FAM169A: variants seen among roughly 807,000 people sequenced by gnomAD.
FAM169A encodes soluble lamin-associated protein of 75 kDa.
FAM169A carries 24 observed loss-of-function variants against 75.7 expected under a neutral mutation model. The ratio of observed to expected loss-of-function variants is 0.32; its 90% CI spans 0.23 to 0.45. The LOEUF is 0.45. Among genes scored for constraint, FAM169A ranks in the 20% least tolerant of loss-of-function variants. The pLI, the probability that FAM169A is intolerant of heterozygous loss-of-function variation, is 1.00. For synonymous variants in FAM169A, 271 were observed against 271.0 expected, an observed-to-expected ratio of 1.00 and a Z score of 0.00; for missense variants, 673 against 784.0, an observed-to-expected ratio of 0.86 and a Z score of 1.69.
intron 1 of FAM169A, among the ~76,000 whole-genome samples, chr5:74,854,608 A>T (rs1561326966): frequency 6.6e-6 from 1 of 151,982 alleles, no homozygotes; most frequent in Non-Finnish European, 1.5e-5. Flanking sequence ...CCCACCACCC[A>T]CTACCCTCCC....
chr5:74,800,192 C>G, intron 10 of FAM169A: 3 of 296,812 alleles, frequency 1.0e-5, no homozygotes, highest in Non-Finnish European at 1.9e-5. Context: ...CATATCACGC[C>G]AATATCATGT....
Position 74,843,870 on chromosome 5 carries a change from A to T in FAM169A, c.-3-2191T>A, listed in dbSNP as rs147906055. 2.0e-5 allele frequency among the ~76,000 whole-genome samples: 3 copies of T among 152,320 alleles called. No homozygotes were observed. The East Asian group carries it at 5.8e-4, about 29-fold the overall frequency. On this transcript the variant is annotated intron_variant, in intron 1 of 12. Coordinates refer to ENST00000687041, the MANE Select transcript of FAM169A (RefSeq NM_001376049.1). The stretch of plus-strand genomic sequence containing the variant: ...GTAGACTTACGTGGTCATGGTTGTT[A>T]GGTCTATATACCCAGGCTAACCAAT...
At chr5:74,797,899 A>T (rs1746361367) in intron 10 of FAM169A, among the ~76,000 whole-genome samples, 1 of 152,076 alleles carries the variant, frequency 6.6e-6, no homozygotes, top group African/African-American at 2.4e-5. Context: ...AATATATAAA[A>T]ATATATATGC....
intron 1 of FAM169A, among the ~76,000 whole-genome samples, chr5:74,862,510 T>A (rs1021579059): frequency 2.0e-5 from 3 of 152,170 alleles, no homozygotes; most frequent in African/African-American, 7.2e-5. Context: ...CCTTCCAGAG[T>A]CACTCAGACA....
intron 5 of FAM169A, among the ~76,000 whole-genome samples, chr5:74,825,290 G>T (rs1747967039): frequency 6.6e-6 from 1 of 152,102 alleles, no homozygotes; most frequent in Non-Finnish European, 1.5e-5. Flanking sequence ...TTTAGAAAAA[G>T]AAATGTCCAA....
intron 6 of FAM169A, among the ~76,000 whole-genome samples, chr5:74,812,933 A>T (rs952949798): frequency 6.6e-6 from 1 of 152,244 alleles, no homozygotes; most frequent in African/African-American, 2.4e-5. Context: ...AAAATGCAGC[A>T]ATCACTTTAG....
rs1746457419 is a variant in FAM169A, at chr5:74,799,628, T to C, written c.1103+1252A>G. ...GGTGGCTGGGTCCACGGGGTCAGCT[T>C]CTCCGCCAGTGGGAGCCACCTGGCC... On this transcript the variant is annotated intron_variant, in intron 10 of 12. Transcript: ENST00000687041. 6 of 1,397,258 alleles carry C rather than the reference T, an allele frequency of 4.3e-6. No individual in the cohort carries two copies. In the Admixed American group the frequency reaches 1.0e-4, roughly 23 times the overall value. 86.6% of individuals were successfully genotyped at this position (1,397,258 alleles called of 1,614,324 possible).
intron 1 of FAM169A, among the ~76,000 whole-genome samples, chr5:74,843,511 TACAC>T (rs1286360197): frequency 1.3e-5 from 2 of 152,182 alleles, no homozygotes; most frequent in African/African-American, 4.8e-5. Context: ...GATATAGAAA[TACAC>T]ATACCTATGG....
At chr5:74,832,921 G>A (rs1427664180) in intron 5 of FAM169A, among the ~76,000 whole-genome samples, 1 of 151,928 alleles carries the variant, frequency 6.6e-6, no homozygotes, top group Non-Finnish European at 1.5e-5. Flanking sequence ...ACTAAAAGTG[G>A]CAGATACAGT....
At chr5:74,866,141 G>A in intron 1 of FAM169A, 24 bp downstream of exon 1, 1 of 972,492 alleles carries the variant, frequency 1.0e-6, no homozygotes, top group Non-Finnish European at 1.2e-6. Flanking sequence ...AGCGGTCCGC[G>A]CCGGGGAGAG....
intron 5 of FAM169A, among the ~76,000 whole-genome samples, chr5:74,833,852 A>C (rs1748440698): frequency 6.6e-6 from 1 of 152,204 alleles, no homozygotes; most frequent in African/African-American, 2.4e-5. Context: ...AGCAGGTATG[A>C]GGTTGCACTA....
chr5:74,792,502 G>A (rs1310918064), intron 11 of FAM169A, among the ~76,000 whole-genome samples: 1 of 145,862 alleles, frequency 6.9e-6, no homozygotes, highest in Admixed American at 6.8e-5. Context: ...TTAGCTTTGG[G>A]ACTCGGACTG....
intron 5 of FAM169A, among the ~76,000 whole-genome samples, chr5:74,818,793 CTCTCTCTCTCTA>C (rs1426705573): frequency 2.9e-4 from 40 of 139,488 alleles, no homozygotes; most frequent in African/African-American, 1.7e-4. Context: ...CTCTCTCTCT[CTCTCTCTCTCTA>C]TATATATATA....
intron 6 of FAM169A, among the ~76,000 whole-genome samples, chr5:74,806,418 A>T (rs544742505): frequency 1.3e-5 from 2 of 152,374 alleles, no homozygotes; most frequent in Admixed American, 1.3e-4. Flanking sequence ...CTAAGACCTA[A>T]TGTGAAAAAC....
At chr5:74,848,241 T>C (rs752577942) in intron 1 of FAM169A, among the ~76,000 whole-genome samples, 2 of 152,180 alleles carry the variant, frequency 1.3e-5, no homozygotes, top group Admixed American at 6.6e-5. Context: ...GTAACATTTA[T>C]TGAGAAATAT....
chr5:74,805,344 G>T, intron 6 of FAM169A, 60 bp from the exon 7 acceptor site: 1 of 1,548,760 alleles, frequency 6.5e-7, no homozygotes, highest in South Asian at 1.2e-5. Flanking sequence ...TGAAAAACAG[G>T]AGTTGAAAAG....
chr5:74,779,947 C>G lies in FAM169A; in HGVS notation c.*1513G>C, dbSNP rs948993884. The G allele has an allele frequency of 5.3e-5, 8 of 152,160 alleles. No individual in the cohort carries two copies. The highest frequency in any genetic ancestry group is 1.9e-4 in the African/African-American group (8 of 41,446). 9.4% of individuals were successfully genotyped at this position (152,160 alleles called of 1,614,324 possible). Reference sequence around the variant, plus strand: ...GTCTTAGTTTCTTTTGCATAAGGATCAAGATCAAGCTATTTTTAAAACAAT... The same window carrying G: ...GTCTTAGTTTCTTTTGCATAAGGATGAAGATCAAGCTATTTTTAAAACAAT... On this transcript the variant is annotated 3_prime_UTR_variant, in exon 13 of 13. Coordinates refer to ENST00000687041, the MANE Select transcript of FAM169A (RefSeq NM_001376049.1).
chr5:74,834,631 T>C, intron 4 of FAM169A, 34 bp from the exon 5 acceptor site: 1 of 1,455,742 alleles, frequency 6.9e-7, no homozygotes, highest in Non-Finnish European at 9.1e-7. Context: ...GCACAGCAGT[T>C]ATAATATGCA....
chr5:74,821,890 C>G (rs1028382426), intron 5 of FAM169A, among the ~76,000 whole-genome samples: 1 of 152,220 alleles, frequency 6.6e-6, no homozygotes, highest in Admixed American at 6.5e-5. Flanking sequence ...GGCCTCACTC[C>G]TACAGTGGGA....
Sources: gnomAD v4.1 joint callset for allele counts (sites outside exome capture counted in the v4.1 genomes callset) on GRCh38, gnomAD v4.1.1 for gene constraint, MANE v1.5 for transcripts, NCBI Gene and HGNC (gene_info 2026-07-23, HGNC 2026-07-21) for gene names.